Variants in MEF2A observed in about 807,000 individuals in gnomAD.
The protein encoded by MEF2A is myocyte enhancer factor 2A, also known as myocyte-specific enhancer factor 2A.
Under a neutral mutation model 55.8 loss-of-function variants are expected in MEF2A, and 28 were observed. The observed-to-expected ratio is 0.50, with a 90% confidence interval of 0.37 to 0.69. The LOEUF (loss-of-function observed/expected upper bound fraction) is 0.69, where lower values mean the gene tolerates loss of function less well. Among genes scored for constraint, MEF2A ranks in the 30% least tolerant of loss-of-function variants. The pLI, the probability that MEF2A is intolerant of heterozygous loss-of-function variation, is 0.00. For missense variants in MEF2A, 528 were observed against 626.2 expected (o/e 0.84, Z 1.67); for synonymous variants, 239 against 227.1 (o/e 1.05, Z -0.47).
intron 9 of MEF2A, among the ~76,000 whole-genome samples, chr15:99,705,869 A>C (rs72760560): frequency 6.6e-6 from 1 of 152,234 alleles, no homozygotes; most frequent in Admixed American, 6.5e-5. Context: ...CTTATGTGCT[A>C]GTGACACAGA....
chr15:99,672,217 T>C (rs2051030098), intron 5 of MEF2A, among the ~76,000 whole-genome samples: 1 of 152,258 alleles, frequency 6.6e-6, no homozygotes, highest in African/African-American at 2.4e-5. Context: ...CCAAATCACT[T>C]AGCAACAATA....
chr15:99,695,068 C>T (rs1394661751), intron 8 of MEF2A, among the ~76,000 whole-genome samples: 3 of 151,868 alleles, frequency 2.0e-5, no homozygotes, highest in Non-Finnish European at 4.4e-5. Context: ...TTTTCTGCCC[C>T]AGTCCTAGAA....
intron 4 of MEF2A, among the ~76,000 whole-genome samples, chr15:99,647,342 C>G (rs1414711747): frequency 6.7e-6 from 1 of 150,180 alleles, no homozygotes; most frequent in Non-Finnish European, 1.5e-5. Flanking sequence ...AAAAGTTACA[C>G]TGCCTCAACT....
intron 1 of MEF2A, among the ~76,000 whole-genome samples, chr15:99,581,287 A>G (rs1283361959): frequency 2.0e-5 from 3 of 152,162 alleles, no homozygotes; most frequent in African/African-American, 4.8e-5. Flanking sequence ...ATTCCATCAT[A>G]ATATAAATTA....
intron 4 of MEF2A, among the ~76,000 whole-genome samples, chr15:99,668,545 A>T (rs1326463889): frequency 1.3e-5 from 2 of 152,248 alleles, no homozygotes; most frequent in African/African-American, 2.4e-5. Flanking sequence ...TTTAGAATGG[A>T]TTATAATGAC....
In MEF2A at chr15:99,712,583, C is replaced by T. The variant is rs2058784558; in HGVS notation, c.1330C>T (p.Pro444Ser). 1.3e-6 allele frequency: 2 copies of T among 1,551,660 alleles called. No homozygotes were observed. The highest frequency in any genetic ancestry group is 1.7e-6 in the Non-Finnish European group (2 of 1,147,010). The part of the protein sequence containing the change: ...QPQPQPPQPQ[P>S]RQEMGRSPVD... ...CCAGCCACAACCCCCGCAGCCCCAG[C>T]CCCGACAGGAAATGGGGCGCTCCCC... is the stretch of plus-strand genomic sequence containing the variant. The change falls in exon 12 of 12, where the codon CCC (proline) becomes TCC (serine). Residue 444 changes from proline to serine, a missense_variant. Around this residue, in one of 2 missense-constraint regions of MEF2A, gnomAD observed 450 missense variants for 475.3 expected, o/e 0.95. Coordinates refer to ENST00000557942, the MANE Select transcript of MEF2A (RefSeq NM_001319206.4). This position sits in a 1 kb window ranked among gnomAD's most constrained non-coding sequence, Gnocchi z 4.1.
At chr15:99,654,479 A>T (rs2047356419) in intron 4 of MEF2A, among the ~76,000 whole-genome samples, 1 of 151,826 alleles carries the variant, frequency 6.6e-6, no homozygotes, top group African/African-American at 2.4e-5. Context: ...GCAACAGAAG[A>T]CCTCACTGAA....
intron 8 of MEF2A, among the ~76,000 whole-genome samples, chr15:99,691,507 G>A (rs1211158594): frequency 6.6e-6 from 1 of 152,090 alleles, no homozygotes; most frequent in Non-Finnish European, 1.5e-5. Context: ...AGACCAGCCT[G>A]GCCAACATGG....
chr15:99,705,982 C>G (rs977119625), intron 9 of MEF2A, among the ~76,000 whole-genome samples: 3 of 152,220 alleles, frequency 2.0e-5, no homozygotes, highest in South Asian at 2.1e-4. Flanking sequence ...AGGACAATGA[C>G]TGTCTTAGAC....
chr15:99,668,764 G>C (rs1413405273), intron 4 of MEF2A, among the ~76,000 whole-genome samples: 1 of 152,204 alleles, frequency 6.6e-6, no homozygotes. Flanking sequence ...CTTCTTAATA[G>C]ATTACGGCAT....
intron 2 of MEF2A, among the ~76,000 whole-genome samples, chr15:99,616,529 C>T (rs1312908778): frequency 6.6e-6 from 1 of 152,168 alleles, no homozygotes; most frequent in Non-Finnish European, 1.5e-5. Context: ...ACTCATCTTA[C>T]CAGTACTTTC....
In MEF2A at chr15:99,710,784, G is replaced by C. The variant is rs758237676; in HGVS notation, c.1136+24G>C. On this transcript the variant is annotated intron_variant, in intron 11 of 11. Coordinates refer to ENST00000557942, the MANE Select transcript of MEF2A (RefSeq NM_001319206.4). Reference sequence around the variant, plus strand: ...GTGTGAGTAACTAGAAGTTTTCCCTGCATCTTTACTCCTGGCCTACACACT... The same window carrying C: ...GTGTGAGTAACTAGAAGTTTTCCCTCCATCTTTACTCCTGGCCTACACACT... 18 of 1,588,284 alleles carry C rather than the reference G, an allele frequency of 1.1e-5. No individual in the cohort carries two copies. In the East Asian group the frequency reaches 3.0e-4, roughly 26 times the overall value.
intron 1 of MEF2A, among the ~76,000 whole-genome samples, chr15:99,580,577 C>G (rs369090907): frequency 1.3e-5 from 2 of 152,288 alleles, no homozygotes; most frequent in South Asian, 4.1e-4. Context: ...TGATAACTTG[C>G]AAATACTGGT....
At chr15:99,623,574 C>T (rs2041592676) in intron 2 of MEF2A, among the ~76,000 whole-genome samples, 4 of 152,144 alleles carry the variant, frequency 2.6e-5, no homozygotes, top group Admixed American at 2.0e-4. Context: ...TGTTCTGTTT[C>T]TTAATAGCCA....
intron 1 of MEF2A, among the ~76,000 whole-genome samples, chr15:99,591,817 G>C (rs979210324): frequency 6.6e-6 from 1 of 151,812 alleles, no homozygotes; most frequent in African/African-American, 2.4e-5. Flanking sequence ...TTTATGTTTA[G>C]AAAATGCATT....
chr15:99,642,409 C>T (rs1300189279), intron 3 of MEF2A, among the ~76,000 whole-genome samples: 1 of 152,028 alleles, frequency 6.6e-6, no homozygotes, highest in African/African-American at 2.4e-5. Context: ...GCTAAATGCT[C>T]TGGGCTTTTT....
At chr15:99,625,859 G>C (rs1317809791) in intron 2 of MEF2A, among the ~76,000 whole-genome samples, 1 of 152,048 alleles carries the variant, frequency 6.6e-6, no homozygotes, top group Non-Finnish European at 1.5e-5. Flanking sequence ...ATATTCGGTA[G>C]AATTCAGTTT....
chr15:99,707,426 C>T (rs1008092178), intron 10 of MEF2A, among the ~76,000 whole-genome samples: 2 of 152,142 alleles, frequency 1.3e-5, no homozygotes, highest in Non-Finnish European at 2.9e-5. Flanking sequence ...GAGCCAGTCA[C>T]TCTGCCTTTG....
intron 1 of MEF2A, among the ~76,000 whole-genome samples, chr15:99,582,878 A>T (rs1966342159): frequency 6.6e-6 from 1 of 152,120 alleles, no homozygotes; most frequent in African/African-American, 2.4e-5. Flanking sequence ...ATCCTGGGAT[A>T]TGTTGTAGAT....
Sources: allele counts gnomAD v4.1 joint callset (sites outside exome capture counted in the v4.1 genomes callset), GRCh38; gene constraint gnomAD v4.1.1; regional missense constraint gnomAD v4.1.1; non-coding constraint Gnocchi (gnomAD v3.1); transcripts MANE v1.5; gene names NCBI Gene and HGNC (gene_info 2026-07-23, HGNC 2026-07-21).